CASK: variants seen among roughly 807,000 people sequenced by gnomAD.
CASK encodes calcium/calmodulin dependent serine protein kinase, also known as peripheral plasma membrane protein CASK.
Under a neutral mutation model 82.9 loss-of-function variants are expected in CASK, and 4 were observed. The observed-to-expected ratio is 0.05, with a 90% CI of 0.02 to 0.11. The LOEUF is 0.11. Among genes scored for constraint, CASK ranks in the 10% least tolerant of loss-of-function variants. The probability of loss-of-function intolerance (pLI) is 1.00; values close to 1 mark genes in which losing one functional copy is unlikely to be tolerated. For synonymous variants in CASK, 259 were observed against 253.5 expected (o/e 1.02, Z -0.20); for missense variants, 358 against 720.9 (o/e 0.50, Z 5.76).
intron 2 of CASK, among the ~76,000 whole-genome samples, chrX:41,851,954 C>T (rs1470214160): frequency 1.8e-5 from 2 of 110,295 alleles, no homozygotes; most frequent in African/African-American, 3.3e-5. Context: ...TGTTCTAAAC[C>T]CCACTTAAAA....
chrX:41,829,925 T>C (rs1422342429), intron 2 of CASK, among the ~76,000 whole-genome samples: 1 of 103,138 alleles, frequency 9.7e-6, no homozygotes, highest in Non-Finnish European at 2.0e-5. Context: ...TGGTTTTAAT[T>C]TGCATTTCTC....
intron 16 of CASK, 150 bp from the exon 17 acceptor site, chrX:41,561,794 A>G: frequency 2.1e-6 from 1 of 480,270 alleles, no homozygotes; most frequent in Non-Finnish European, 3.6e-6. Context: ...CAGCAGAATT[A>G]TTTAACTCAT....
chrX:41,759,848 A>G (rs1341406325), intron 3 of CASK, among the ~76,000 whole-genome samples: 1 of 112,262 alleles, frequency 8.9e-6, no homozygotes, highest in East Asian at 2.8e-4. Context: ...AATTTTAGAA[A>G]CTGAGAACTG....
chrX:41,810,346 T>C (rs1474233396), intron 2 of CASK, among the ~76,000 whole-genome samples: 1 of 112,153 alleles, frequency 8.9e-6, no homozygotes, highest in African/African-American at 3.2e-5. Context: ...AAGGTCAGGT[T>C]ACCCACAAAG....
At chrX:41,637,628 A>G (rs1019708325) in intron 8 of CASK, among the ~76,000 whole-genome samples, 1 of 105,392 alleles carries the variant, frequency 9.5e-6, no homozygotes, top group African/African-American at 3.4e-5. Flanking sequence ...CTCAAAAATA[A>G]ATGAATCCCC....
intron 3 of CASK, among the ~76,000 whole-genome samples, chrX:41,786,110 C>A (rs2069594157): frequency 1.8e-5 from 2 of 111,590 alleles, no homozygotes; most frequent in Non-Finnish European, 3.8e-5. Context: ...GGAAGCAGAT[C>A]CACATTGTAG....
At chrX:41,781,362 T>C (rs779232151) in intron 3 of CASK, among the ~76,000 whole-genome samples, 5 of 112,834 alleles carry the variant, frequency 4.4e-5, no homozygotes, top group Admixed American at 9.4e-5. Context: ...AAGACAGATA[T>C]GGACACCATA....
intron 10 of CASK, among the ~76,000 whole-genome samples, chrX:41,623,508 C>T (rs895455064): frequency 3.6e-5 from 4 of 111,402 alleles, no homozygotes; most frequent in African/African-American, 1.3e-4. Flanking sequence ...TTGCAACCTC[C>T]GTGTCCTGGG....
chrX:41,547,949 A>T (rs2065047004), intron 21 of CASK, among the ~76,000 whole-genome samples: 1 of 112,231 alleles, frequency 8.9e-6, no homozygotes, highest in African/African-American at 3.2e-5. Flanking sequence ...TATATCAGCA[A>T]CCTTTCTAAA....
chrX:41,790,749 AAATT>A (rs779051575), intron 2 of CASK, among the ~76,000 whole-genome samples: 113 of 112,572 alleles, frequency 1.0e-3, no homozygotes, highest in African/African-American at 3.4e-3. Flanking sequence ...ATTCAAGTAT[AAATT>A]AAATAGCTCA....
At chrX:41,633,596 C>CTT (rs201315802) in intron 9 of CASK, among the ~76,000 whole-genome samples, 1,465 of 103,286 alleles carry the variant, frequency 0.014, 32 homozygotes, top group African/African-American at 0.048. Context: ...CTAGAGGATT[C>CTT]TTTTTTTTTA....
intron 1 of CASK, among the ~76,000 whole-genome samples, chrX:41,921,043 T>G (rs1468799639): frequency 8.9e-6 from 1 of 112,193 alleles, no homozygotes; most frequent in African/African-American, 3.2e-5. Context: ...TCTCTAGAAC[T>G]GTGCTATTCA....
chrX:41,771,798 A>G (rs920163149), intron 3 of CASK, among the ~76,000 whole-genome samples: 1 of 111,636 alleles, frequency 9.0e-6, no homozygotes, highest in East Asian at 2.8e-4. Context: ...TAGAGAACAC[A>G]TAAGACCATA....
intron 12 of CASK, among the ~76,000 whole-genome samples, chrX:41,596,817 C>T (rs929715655): frequency 8.9e-6 from 1 of 111,986 alleles, no homozygotes; most frequent in African/African-American, 3.2e-5. Context: ...TCAGATATGA[C>T]CACACATACC....
chrX:41,730,886 G>T (rs1006199237), intron 5 of CASK, among the ~76,000 whole-genome samples: 1 of 110,459 alleles, frequency 9.1e-6, no homozygotes, highest in Non-Finnish European at 1.9e-5. Flanking sequence ...TTATTTTTTT[G>T]TAGAGACGGG....
intron 5 of CASK, among the ~76,000 whole-genome samples, chrX:41,703,639 T>C (rs1422656707): frequency 8.9e-6 from 1 of 112,569 alleles, no homozygotes; most frequent in South Asian, 3.6e-4. Context: ...TTTCCACTAA[T>C]TGAAACCATG....
chrX:41,554,980 C>T (rs2065142766), intron 20 of CASK, among the ~76,000 whole-genome samples: 1 of 112,320 alleles, frequency 8.9e-6, no homozygotes, highest in Non-Finnish European at 1.9e-5. Context: ...TTTCAGCAAT[C>T]CAGCCTATAA....
intron 13 of CASK, chrX:41,588,538 GTGGGCAGGC>G (rs2065692262): frequency 9.0e-6 from 1 of 111,234 alleles, no homozygotes; most frequent in Non-Finnish European, 1.9e-5. Context: ...TCCTGACCAA[GTGGGCAGGC>G]CGGGCAGCCT....
At chrX:41,777,797 G>A (rs770383759) in intron 3 of CASK, among the ~76,000 whole-genome samples, 2 of 111,966 alleles carry the variant, frequency 1.8e-5, no homozygotes, top group South Asian at 7.4e-4. Context: ...TGAGAAAAAG[G>A]TTAAATCTAA....
Sources: allele counts gnomAD v4.1 joint callset (sites outside exome capture counted in the v4.1 genomes callset), GRCh38; gene constraint gnomAD v4.1.1; transcripts MANE v1.5; gene names NCBI Gene and HGNC (gene_info 2026-07-23, HGNC 2026-07-21).